The following SPAG9 variants were observed in gnomAD, a reference collection of about 807,000 sequenced individuals.
SPAG9 encodes C-Jun-amino-terminal kinase-interacting protein 4.
Under a neutral mutation model 166.5 loss-of-function variants are expected in SPAG9, and 35 were observed. The ratio of observed to expected loss-of-function variants is 0.21; its 90% confidence interval spans 0.16 to 0.28. The LOEUF (loss-of-function observed/expected upper bound fraction) is 0.28, where lower values mean the gene tolerates loss of function less well. Among genes scored for constraint, SPAG9 ranks in the 10% least tolerant of loss-of-function variants. The pLI is 1.00. For synonymous variants in SPAG9, 534 were observed against 565.5 expected (o/e 0.94, Z 0.79); for missense variants, 1,235 against 1,603.3 (o/e 0.77, Z 3.92).
intron 3 of SPAG9, among the ~76,000 whole-genome samples, chr17:51,054,497 C>T (rs1021073005): frequency 2.7e-5 from 4 of 150,706 alleles, no homozygotes; most frequent in Non-Finnish European, 5.9e-5. Context: ...AGTGCAGTGG[C>T]GTGATCTCGG....
intron 1 of SPAG9, among the ~76,000 whole-genome samples, chr17:51,108,695 C>T (rs1451582841): frequency 6.6e-6 from 1 of 152,126 alleles, no homozygotes; most frequent in South Asian, 2.1e-4. Context: ...TACGGTCTCA[C>T]TATGTTGCCC....
chr17:51,105,462 A>G (rs977207228), intron 1 of SPAG9, among the ~76,000 whole-genome samples: 2 of 152,222 alleles, frequency 1.3e-5, no homozygotes, highest in African/African-American at 4.8e-5. Context: ...CACTCTGAAT[A>G]TGTATCTAAA....
intron 7 of SPAG9, 133 bp downstream of exon 7, chr17:51,021,025 T>TA (rs1568007484): frequency 1.4e-6 from 1 of 737,894 alleles, no homozygotes; most frequent in African/African-American, 1.8e-5. Context: ...ACCACAGATA[T>TA]AGAGGGCCAA....
At chr17:51,069,584 T>C (rs2047766052) in intron 2 of SPAG9, among the ~76,000 whole-genome samples, 1 of 152,072 alleles carries the variant, frequency 6.6e-6, no homozygotes. Context: ...TTAATTCCTT[T>C]AAATAAATTT....
chr17:51,108,123 G>C (rs571228419), intron 1 of SPAG9, among the ~76,000 whole-genome samples: 6 of 151,754 alleles, frequency 4.0e-5, no homozygotes, highest in African/African-American at 1.4e-4. Context: ...GCGGTGGCTG[G>C]TGCTGGTTAT....
chr17:51,040,246 C>CAAAAAA (rs373207596), intron 5 of SPAG9, among the ~76,000 whole-genome samples: 3 of 75,594 alleles, frequency 4.0e-5, no homozygotes, highest in South Asian at 8.8e-4. Flanking sequence ...GACTCTGTCT[C>CAAAAAA]AAAAAAAAAA....
At chr17:51,116,443 A>AT (rs1164193999) in intron 1 of SPAG9, among the ~76,000 whole-genome samples, 1 of 152,118 alleles carries the variant, frequency 6.6e-6, no homozygotes, top group East Asian at 1.9e-4. Context: ...TCTCCAGATC[A>AT]TTTTGTATCC....
At chr17:51,065,948 C>T (rs1598115467) in intron 2 of SPAG9, among the ~76,000 whole-genome samples, 2 of 152,218 alleles carry the variant, frequency 1.3e-5, no homozygotes, top group Middle Eastern at 3.4e-3. Flanking sequence ...TTAAACTTTA[C>T]GTAAGCAAGA....
intron 2 of SPAG9, among the ~76,000 whole-genome samples, chr17:51,066,590 C>T (rs1008953226): frequency 2.4e-5 from 3 of 122,532 alleles, no homozygotes; most frequent in Non-Finnish European, 5.3e-5. Context: ...AAGACCATGG[C>T]TCACGCCTGT....
chr17:50,982,704 C>G, intron 24 of SPAG9, 32 bp from the exon 25 acceptor site: 1 of 1,552,756 alleles, frequency 6.4e-7, no homozygotes, highest in Non-Finnish European at 8.7e-7. Flanking sequence ...ATAGTAAATA[C>G]ATACCACCTG....
At chr17:51,119,116 T>C (rs1045383960) in intron 1 of SPAG9, among the ~76,000 whole-genome samples, 32 of 150,450 alleles carry the variant, frequency 2.1e-4, no homozygotes, top group Non-Finnish European at 3.4e-4. Flanking sequence ...CAATCAGAAC[T>C]AAAAATCATC....
chr17:51,060,633 A>G (rs2047484526), intron 2 of SPAG9, among the ~76,000 whole-genome samples: 1 of 151,942 alleles, frequency 6.6e-6, no homozygotes, highest in Non-Finnish European at 1.5e-5. Flanking sequence ...AAAAGGCCAT[A>G]TTAGGACACA....
chr17:51,079,596 A>C lies in SPAG9; in HGVS notation c.412T>G (p.Tyr138Asp). The C allele has an allele frequency of 6.2e-7, 1 of 1,613,736 alleles. No individual in the cohort carries two copies. The highest frequency in any genetic ancestry group is 8.5e-7 in the Non-Finnish European group (1 of 1,179,874). Reference sequence around the variant, plus strand: ...ATGTTTTACTTACTCTGGTCAGCATAGTTTTTCGCTTTCAGCTCAAGTTGT... The same window carrying C: ...ATGTTTTACTTACTCTGGTCAGCATCGTTTTTCGCTTTCAGCTCAAGTTGT... ...TRQLELKAKN[Y>D]ADQISRLEER... The change falls in exon 2 of 30, where the codon TAT becomes GAT. Residue 138 changes from tyrosine (Y) to aspartate (D), a missense_variant. Transcript: ENST00000262013.
chr17:51,006,275 A>G (rs773671721), intron 10 of SPAG9, 38 bp from the exon 11 acceptor site: 2 of 1,592,934 alleles, frequency 1.3e-6, no homozygotes, highest in Non-Finnish European at 1.7e-6. Flanking sequence ...ATTACAAATA[A>G]ATATTCTTTC....
At chr17:51,090,737 C>T (rs370447599) in intron 1 of SPAG9, among the ~76,000 whole-genome samples, 1 of 152,088 alleles carries the variant, frequency 6.6e-6, no homozygotes, top group Admixed American at 6.6e-5. Context: ...GAGGTTAAGG[C>T]TGATAAGAGA....
intron 3 of SPAG9, among the ~76,000 whole-genome samples, chr17:51,053,044 T>C (rs1167232238): frequency 6.6e-6 from 1 of 151,530 alleles, no homozygotes; most frequent in African/African-American, 2.4e-5. Flanking sequence ...CAAGACCCCA[T>C]CTCAAAAAAC....
chr17:51,024,189 G>A (rs779716501), intron 6 of SPAG9, among the ~76,000 whole-genome samples: 10 of 152,026 alleles, frequency 6.6e-5, no homozygotes, highest in Non-Finnish European at 1.5e-4. Context: ...CTACCCGGGA[G>A]GCAGAGGTTG....
intron 2 of SPAG9, among the ~76,000 whole-genome samples, chr17:51,078,082 A>G (rs969328769): frequency 2.6e-4 from 39 of 152,318 alleles, no homozygotes; most frequent in African/African-American, 9.4e-4. Flanking sequence ...GCCATGAGCC[A>G]TCATACCCAG....
intron 4 of SPAG9, chr17:51,046,582 A>G (rs1398894719): frequency 6.5e-7 from 1 of 1,536,130 alleles, no homozygotes; most frequent in Admixed American, 2.0e-5. Context: ...ACAGAGAGAG[A>G]TACTAAGATA....
Sources: allele counts gnomAD v4.1 joint callset (sites outside exome capture counted in the v4.1 genomes callset), GRCh38; gene constraint gnomAD v4.1.1; transcripts MANE v1.5; gene names NCBI Gene and HGNC (gene_info 2026-07-23, HGNC 2026-07-21).